The following DTL variants were observed in gnomAD, a reference collection of about 807,000 sequenced individuals.
DTL encodes the protein denticleless E3 ubiquitin protein ligase adapter, also known as denticleless protein homolog.
DTL carries 46 observed loss-of-function variants against 87.0 expected under a neutral mutation model. The ratio of observed to expected loss-of-function variants is 0.53; its 90% confidence interval spans 0.42 to 0.68. The LOEUF is 0.68. Among genes scored for constraint, DTL ranks in the 30% least tolerant of loss-of-function variants. The pLI is 0.00. For missense variants in DTL, 737 were observed against 869.4 expected (o/e 0.85, Z 1.91); for synonymous variants, 308 against 311.2 (o/e 0.99, Z 0.11).
At chr1:212,098,444 T>C (rs1655512708) in intron 13 of DTL, among the ~76,000 whole-genome samples, 1 of 152,074 alleles carries the variant, frequency 6.6e-6, no homozygotes, top group African/African-American at 2.4e-5. Context: ...TGGATAGGTT[T>C]TCGGGCTTCT....
At chr1:212,038,985 A>G (rs953631825) in intron 1 of DTL, among the ~76,000 whole-genome samples, 1 of 152,194 alleles carries the variant, frequency 6.6e-6, no homozygotes, top group African/African-American at 2.4e-5. Context: ...GACATTCCAT[A>G]TAGCTGCTTT....
In DTL at chr1:212,043,069, T is replaced by C. The variant is rs367773256; in HGVS notation, c.129T>C (p.Tyr43=). The C allele has an allele frequency of 1.7e-5, 27 of 1,613,400 alleles. No individual in the cohort carries two copies. Among genetic ancestry groups the C allele is most frequent in the Middle Eastern group, 1.6e-4 (1 of 6,078 alleles). Residue 43 remains tyrosine, a synonymous_variant, in exon 2 of 15, where the codon TAT becomes TAC. Transcript: ENST00000366991. ...GTGGTAATGATGAACACACTTCTTA[T>C]GGAGAAACAGGAGTCCCAGTTCCTC... The part of the protein sequence containing the change: ...QCSGNDEHTS[Y]GETGVPVPPF...
intron 13 of DTL, among the ~76,000 whole-genome samples, chr1:212,085,671 TTTGTC>T (rs1655111749): frequency 6.6e-6 from 1 of 152,252 alleles, no homozygotes; most frequent in Non-Finnish European, 1.5e-5. Flanking sequence ...TGTTTTTTCC[TTTGTC>T]ACTTATGCTT....
At chr1:212,069,207 TAATA>T (rs3070845) in intron 10 of DTL, among the ~76,000 whole-genome samples, 1,680 of 151,960 alleles carry the variant, frequency 0.011, 31 homozygotes, top group African/African-American at 0.038. Flanking sequence ...TACTTAAAAC[TAATA>T]AATAAATGAT....
intron 5 of DTL, among the ~76,000 whole-genome samples, chr1:212,054,956 T>C (rs984652550): frequency 6.6e-6 from 1 of 152,200 alleles, no homozygotes; most frequent in Non-Finnish European, 1.5e-5. Context: ...AAGGAATGAA[T>C]AGTGCCTGAC....
chr1:212,073,499 T>A (rs932254142), intron 11 of DTL, among the ~76,000 whole-genome samples: 2 of 152,022 alleles, frequency 1.3e-5, no homozygotes, highest in African/African-American at 4.8e-5. Context: ...ATATTGCTAA[T>A]TTTTTTTAGG....
intron 14 of DTL, 141 bp downstream of exon 14, chr1:212,101,225 T>A (rs1202582179): frequency 3.3e-6 from 2 of 608,262 alleles, no homozygotes; most frequent in East Asian, 3.0e-5. Context: ...AGCACATAAA[T>A]ACAAAACAAA....
Position 212,080,602 on chromosome 1 carries a change from T to C in DTL, c.1126-13T>C, listed in dbSNP as rs372606067. 2 of 1,602,532 alleles carry C rather than the reference T, an allele frequency of 1.2e-6. No homozygotes were observed. The highest frequency in any genetic ancestry group is 1.3e-5 in the African/African-American group (1 of 74,170). On this transcript the variant is annotated splice_polypyrimidine_tract_variant and intron_variant, in intron 12 of 14. Transcript: ENST00000366991. ...TGAAATTTCTTAATTCCCTTCTTGG[T>C]ACTCCCTCTTAGATTGCTACCTGTT...
In DTL at chr1:212,043,133, A is replaced by G. The variant is rs371300344; in HGVS notation, c.178+15A>G. 1.6e-4 allele frequency: 260 copies of G among 1,607,526 alleles called. No individual in the cohort carries two copies. Among genetic ancestry groups the G allele is most frequent in the Non-Finnish European group, 2.1e-4 (243 of 1,177,380 alleles). On this transcript the variant is annotated intron_variant, in intron 2 of 14. Transcript: ENST00000366991. ...CTTCTCTTCTGGTAAGAGAATTACT[A>G]TCTAGGCAAGGCTTGGACAGAAATG...
chr1:212,057,401 T>G (rs1571951783), intron 5 of DTL, among the ~76,000 whole-genome samples: 1 of 147,578 alleles, frequency 6.8e-6, no homozygotes, highest in Non-Finnish European at 1.5e-5. Context: ...CTACACCCAG[T>G]AAAATTATCC....
chr1:212,101,379 A>G (rs950180948), intron 14 of DTL, among the ~76,000 whole-genome samples: 1 of 152,100 alleles, frequency 6.6e-6, no homozygotes, highest in Admixed American at 6.6e-5. Flanking sequence ...GTCAGGGTCC[A>G]TACTCCTCAG....
chr1:212,069,734 C>T (rs1654616494), intron 10 of DTL, among the ~76,000 whole-genome samples: 1 of 151,722 alleles, frequency 6.6e-6, no homozygotes, highest in Non-Finnish European at 1.5e-5. Flanking sequence ...TTAGTAAAGG[C>T]AGGGTTTCAC....
chr1:212,068,501 G>A, intron 9 of DTL, 98 bp from the exon 10 acceptor site: 1 of 880,560 alleles, frequency 1.1e-6, no homozygotes, highest in Non-Finnish European at 1.8e-6. Context: ...GAATTCTGAT[G>A]ATGATTCTTA....
intron 1 of DTL, 98 bp downstream of exon 1, chr1:212,036,040 A>G: frequency 3.4e-6 from 4 of 1,190,516 alleles, no homozygotes; most frequent in Non-Finnish European, 4.9e-6. Flanking sequence ...TTCTGAACTC[A>G]GCTTCTGAGT....
intron 5 of DTL, among the ~76,000 whole-genome samples, chr1:212,049,826 T>G (rs1667910545): frequency 6.6e-6 from 1 of 152,166 alleles, no homozygotes; most frequent in Admixed American, 6.5e-5. Flanking sequence ...AAATACCTAG[T>G]CTATTTAGGT....
chr1:212,040,691 A>G (rs983093289), intron 1 of DTL, among the ~76,000 whole-genome samples: 1 of 152,148 alleles, frequency 6.6e-6, no homozygotes, highest in African/African-American at 2.4e-5. Flanking sequence ...AGCAGCTTCT[A>G]TGTGATATAA....
chr1:212,048,879 G>A (rs969153286), intron 5 of DTL, among the ~76,000 whole-genome samples: 15 of 150,700 alleles, frequency 1.0e-4, no homozygotes, highest in African/African-American at 3.4e-4. Context: ...CCATTTAGGA[G>A]GTTAAGCTGG....
intron 1 of DTL, among the ~76,000 whole-genome samples, chr1:212,038,366 C>G (rs907725813): frequency 1.3e-5 from 2 of 152,194 alleles, no homozygotes; most frequent in Admixed American, 6.5e-5. Context: ...CGGTCAATCC[C>G]ACAAGCATCT....
chr1:212,043,784 C>T lies in DTL; in HGVS notation c.178+666C>T, dbSNP rs182403805. Among the ~76,000 whole-genome samples, 48 of 146,394 alleles carry T rather than the reference C, an allele frequency of 3.3e-4. 1 individual carries two copies. Among genetic ancestry groups the T allele is most frequent in the Non-Finnish European group, 5.8e-4 (39 of 67,408 alleles). On this transcript the variant is annotated intron_variant, in intron 2 of 14. Transcript: ENST00000366991. ...GGCAGAGGTTGCAGTGAGCCAAGAT[C>T]GTGCCATTGCATTCTAGCCTGGGTG... is the stretch of plus-strand genomic sequence containing the variant.
Sources: gnomAD v4.1 joint callset for allele counts (sites outside exome capture counted in the v4.1 genomes callset) on GRCh38, gnomAD v4.1.1 for gene constraint, MANE v1.5 for transcripts, NCBI Gene and HGNC (gene_info 2026-07-23, HGNC 2026-07-21) for gene names.